ARHGAP10: variants seen among roughly 807,000 people sequenced by gnomAD.
The protein encoded by ARHGAP10 is rho GTPase-activating protein 10.
A neutral mutation model predicts 108.6 loss-of-function variants in ARHGAP10; 87 were observed. That is an observed-to-expected ratio of 0.80 (90% CI 0.67 to 0.96). ARHGAP10 has a LOEUF of 0.96. Among genes scored for constraint, ARHGAP10 ranks in the 40% least tolerant of loss-of-function variants. The probability of loss-of-function intolerance (pLI) is 0.00; values close to 1 mark genes in which losing one functional copy is unlikely to be tolerated. For synonymous variants in ARHGAP10, 347 were observed against 341.1 expected, an observed-to-expected ratio of 1.02 and a Z score of -0.19; for missense variants, 939 against 954.5, an observed-to-expected ratio of 0.98 and a Z score of 0.21.
chr4:148,039,332 A>T (rs1041701342), intron 19 of ARHGAP10, among the ~76,000 whole-genome samples: 14 of 117,368 alleles, frequency 1.2e-4, no homozygotes, highest in Middle Eastern at 6.8e-3. Flanking sequence ...CTCTGCTCAA[A>T]TTTTTTTTCT....
rs34375248 is a variant in ARHGAP10 at position 147,859,273 on chromosome 4, CTT to C, written c.486+1634_486+1635del. Among the ~76,000 whole-genome samples the C allele has an allele frequency of 9.4e-3, 1,276 of 135,230 alleles. 18 individuals are homozygous for C. The highest frequency in any genetic ancestry group is 0.032 in the African/African-American group (1,131 of 35,538). The allele number at this position is 135,230 out of a possible 152,430, so 88.7% of individuals were successfully genotyped here. A position where few individuals can be genotyped will look rare whatever the true frequency, so the allele number is the denominator to read the frequency against. Reference sequence around the variant, plus strand: ...TCTGCTTTATATTTTTTTCATATTCCTTTTTTTTTTTTTTTTGAGATGGAGTT... The same window carrying C: ...TCTGCTTTATATTTTTTTCATATTCCTTTTTTTTTTTTTTGAGATGGAGTT... On this transcript the variant is annotated intron_variant, in intron 5 of 22. Coordinates refer to ENST00000336498, the MANE Select transcript of ARHGAP10 (RefSeq NM_024605.4).
intron 18 of ARHGAP10, among the ~76,000 whole-genome samples, chr4:147,983,225 G>A (rs1739899322): frequency 7.1e-6 from 1 of 140,166 alleles, no homozygotes; most frequent in East Asian, 2.1e-4. Flanking sequence ...TCACTCTGTC[G>A]CCCAGGCTGG....
intron 19 of ARHGAP10, among the ~76,000 whole-genome samples, chr4:148,045,634 A>T (rs2149679387): frequency 7.0e-6 from 1 of 143,162 alleles, no homozygotes; most frequent in South Asian, 2.4e-4. Context: ...ACTACTCGGG[A>T]GGCTGAGGCA....
intron 1 of ARHGAP10, among the ~76,000 whole-genome samples, chr4:147,804,962 A>C (rs1426020927): frequency 6.6e-6 from 1 of 152,072 alleles, no homozygotes; most frequent in Non-Finnish European, 1.5e-5. Context: ...TGCTGTGCAG[A>C]GGCTCTTTTG....
intron 7 of ARHGAP10, among the ~76,000 whole-genome samples, chr4:147,873,444 G>T (rs1185106658): frequency 6.6e-6 from 1 of 151,806 alleles, no homozygotes; most frequent in Non-Finnish European, 1.5e-5. Flanking sequence ...ATACACACAT[G>T]GGGGGAAATG....
chr4:147,765,671 A>G (rs541984183), intron 1 of ARHGAP10, among the ~76,000 whole-genome samples: 3 of 152,220 alleles, frequency 2.0e-5, no homozygotes, highest in East Asian at 1.9e-4. Context: ...GTGGTGGCAC[A>G]TGCCTGTTGT....
intron 18 of ARHGAP10, among the ~76,000 whole-genome samples, chr4:148,007,263 AAGATG>A (rs753694705): frequency 3.6e-4 from 55 of 152,366 alleles, no homozygotes; most frequent in Non-Finnish European, 6.3e-4. Flanking sequence ...AAGGAACATT[AAGATG>A]AGATGAGATG....
chr4:147,914,041 A>T (rs1010681209), intron 13 of ARHGAP10, among the ~76,000 whole-genome samples: 1 of 152,042 alleles, frequency 6.6e-6, no homozygotes, highest in Admixed American at 6.6e-5. Context: ...AATCGCGGCT[A>T]CTCGGGAGGC....
chr4:147,783,553 AAC>A (rs779395421), intron 1 of ARHGAP10, among the ~76,000 whole-genome samples: 4,902 of 142,566 alleles, frequency 0.034, 116 homozygotes, highest in Middle Eastern at 0.08. Context: ...TAATTTATAG[AAC>A]ACACATTAAA....
intron 10 of ARHGAP10, among the ~76,000 whole-genome samples, chr4:147,905,089 T>C (rs1447871513): frequency 3.3e-5 from 5 of 152,198 alleles, no homozygotes; most frequent in Non-Finnish European, 7.3e-5. Context: ...GTTTGTTTTT[T>C]TCTTGTAAAT....
chr4:147,752,034 C>T (rs777833677), intron 1 of ARHGAP10, among the ~76,000 whole-genome samples: 9 of 151,800 alleles, frequency 5.9e-5, no homozygotes, highest in African/African-American at 1.2e-4. Flanking sequence ...TATAGGCGTG[C>T]GCCACCACAC....
intron 18 of ARHGAP10, among the ~76,000 whole-genome samples, chr4:147,982,368 T>TC (rs200635880): frequency 3.4e-5 from 5 of 147,110 alleles, no homozygotes; most frequent in African/African-American, 9.9e-5. Flanking sequence ...TTTCTTTCTT[T>TC]TTTTTTTTTT....
intron 18 of ARHGAP10, among the ~76,000 whole-genome samples, chr4:147,992,439 G>T (rs1220464638): frequency 1.3e-5 from 2 of 151,952 alleles, no homozygotes; most frequent in African/African-American, 4.8e-5. Context: ...GAGGAGTCTC[G>T]CTCTGTTGCC....
intron 7 of ARHGAP10, among the ~76,000 whole-genome samples, chr4:147,870,938 G>C (rs1293756852): frequency 9.7e-6 from 1 of 102,992 alleles, no homozygotes; most frequent in Non-Finnish European, 1.7e-5. Context: ...CTGTGTGTGT[G>C]TGTGTGTGTG....
chr4:148,025,765 A>G (rs1309788600), intron 19 of ARHGAP10, among the ~76,000 whole-genome samples: 1 of 152,158 alleles, frequency 6.6e-6, no homozygotes, highest in Non-Finnish European at 1.5e-5. Context: ...CTTGAATCAT[A>G]TAATTGTCAA....
chr4:147,820,574 C>T (rs558434141), intron 1 of ARHGAP10, among the ~76,000 whole-genome samples: 11 of 140,378 alleles, frequency 7.8e-5, no homozygotes, highest in Admixed American at 2.3e-4. Context: ...TGGGCTACCT[C>T]GGCCAGTTTT....
chr4:147,913,164 C>A, intron 13 of ARHGAP10, 25 bp downstream of exon 13: 2 of 1,599,114 alleles, frequency 1.3e-6, no homozygotes, highest in Non-Finnish European at 1.7e-6. Context: ...TCATTTCATT[C>A]ATGAGAGGCT....
At chr4:147,925,220 A>G (rs1309523492) in intron 13 of ARHGAP10, among the ~76,000 whole-genome samples, 1 of 152,156 alleles carries the variant, frequency 6.6e-6, no homozygotes, top group African/African-American at 2.4e-5. Context: ...CCAAACAAAC[A>G]CCACAAAACA....
intron 18 of ARHGAP10, among the ~76,000 whole-genome samples, chr4:148,020,216 T>C (rs1472132870): frequency 3.9e-5 from 6 of 152,172 alleles, no homozygotes; most frequent in Non-Finnish European, 1.5e-5. Context: ...ATTTTATACC[T>C]CAGGGCTTGG....
Sources: gnomAD v4.1 joint callset for allele counts (sites outside exome capture counted in the v4.1 genomes callset) on GRCh38, gnomAD v4.1.1 for gene constraint, MANE v1.5 for transcripts, NCBI Gene and HGNC (gene_info 2026-07-23, HGNC 2026-07-21) for gene names.